The following DYM variants were observed in gnomAD, a reference collection of about 807,000 sequenced individuals.
DYM encodes the protein dyggve-Melchior-Clausen syndrome protein.
In DYM, 78 loss-of-function variants were observed where a neutral mutation model predicts 93.1. The ratio of observed to expected loss-of-function variants is 0.84; its 90% confidence interval spans 0.70 to 1.01. The LOEUF is 1.01. Ranked by LOEUF, DYM falls within the 50% of genes least tolerant of loss-of-function variation. DYM has a pLI of 0.00. For missense variants in DYM, 789 were observed against 845.0 expected (o/e 0.93, Z 0.82); for synonymous variants, 321 against 319.7 (o/e 1.00, Z -0.04).
intron 5 of DYM, among the ~76,000 whole-genome samples, chr18:49,374,525 A>C (rs1446961319): frequency 1.3e-5 from 2 of 152,238 alleles, no homozygotes; most frequent in Non-Finnish European, 2.9e-5. Context: ...ATGTGGAGTC[A>C]AAGGGACTTT....
chr18:49,168,429 C>G (rs1187223527), intron 14 of DYM, among the ~76,000 whole-genome samples: 1 of 152,106 alleles, frequency 6.6e-6, no homozygotes, highest in African/African-American at 2.4e-5. Context: ...CAAAAGAAAG[C>G]AGCATGTAAA....
intron 14 of DYM, among the ~76,000 whole-genome samples, chr18:49,169,444 G>C (rs2088364217): frequency 6.6e-6 from 1 of 152,240 alleles, no homozygotes; most frequent in South Asian, 2.1e-4. Flanking sequence ...GCACAGCAAT[G>C]AGGCTGGGTA....
intron 2 of DYM, among the ~76,000 whole-genome samples, chr18:49,402,110 T>C (rs1367927269): frequency 3.9e-5 from 6 of 152,074 alleles, no homozygotes; most frequent in Admixed American, 3.3e-4. Context: ...CTGGGCCATA[T>C]TCTGTTTGCT....
intron 8 of DYM, among the ~76,000 whole-genome samples, chr18:49,312,229 C>T (rs1599335945): frequency 6.6e-6 from 1 of 152,126 alleles, no homozygotes; most frequent in East Asian, 1.9e-4. Flanking sequence ...GGCAGGTCCC[C>T]AGTGAAACTT....
chr18:49,090,772 G>A (rs2078979227), intron 17 of DYM, among the ~76,000 whole-genome samples: 1 of 152,166 alleles, frequency 6.6e-6, no homozygotes, highest in Admixed American at 6.5e-5. Context: ...CCATAAATCA[G>A]AATATTTTAC....
chr18:49,317,552 T>TGTCTCC (rs1491235087), intron 8 of DYM, among the ~76,000 whole-genome samples: 2 of 7,748 alleles, frequency 2.6e-4, no homozygotes, highest in Admixed American at 1.4e-3. Context: ...CATCTAGATT[T>TGTCTCC]CTCTCTCTCT....
At chr18:49,377,002 ATCAGG>A (rs1165213818) in intron 5 of DYM, among the ~76,000 whole-genome samples, 1 of 152,228 alleles carries the variant, frequency 6.6e-6, no homozygotes, top group Non-Finnish European at 1.5e-5. Context: ...TTGCTCTACC[ATCAGG>A]TAATGGGGTC....
chr18:49,049,653 C>G (rs1426247215), intron 17 of DYM: 1 of 154,280 alleles, frequency 6.5e-6, no homozygotes. Flanking sequence ...ATTAAAATGA[C>G]ATGCAAGTAT....
At chr18:49,103,129 C>T (rs1442690827) in intron 16 of DYM, among the ~76,000 whole-genome samples, 1 of 152,146 alleles carries the variant, frequency 6.6e-6, no homozygotes, top group African/African-American at 2.4e-5. Context: ...GAGATGGTAT[C>T]TCATTGTGGT....
chr18:49,143,058 T>C (rs1451529278), intron 15 of DYM, among the ~76,000 whole-genome samples: 3 of 152,236 alleles, frequency 2.0e-5, no homozygotes, highest in Admixed American at 6.5e-5. Flanking sequence ...AATACAATCA[T>C]ATGATCATAC....
At chr18:49,302,490 A>C (rs1341451361) in intron 8 of DYM, among the ~76,000 whole-genome samples, 1 of 152,230 alleles carries the variant, frequency 6.6e-6, no homozygotes, top group Non-Finnish European at 1.5e-5. Flanking sequence ...ACTATGCATT[A>C]TATAATTTCT....
chr18:49,343,440 T>TA (rs1168299899), intron 6 of DYM, among the ~76,000 whole-genome samples: 2 of 152,226 alleles, frequency 1.3e-5, no homozygotes, highest in Non-Finnish European at 2.9e-5. Flanking sequence ...GACTTTATTA[T>TA]AAGGTCCACT....
chr18:49,201,247 T>C lies in DYM; in HGVS notation c.1625+8304A>G, dbSNP rs141755869. On this transcript the variant is annotated intron_variant, in intron 14 of 17. Coordinates refer to ENST00000675505, the MANE Select transcript of DYM (RefSeq NM_001353214.3). ...TACATGCACAGAAGTAATAACACAG[T>C]TCCTACTAATATTTCATACTACACC... Among the ~76,000 whole-genome samples, 32 of 152,294 alleles carry C rather than the reference T, an allele frequency of 2.1e-4. No individual in the cohort carries two copies. In the East Asian group the frequency reaches 5.8e-3, roughly 28 times the overall value.
At position 49,246,753 on chromosome 18, in the gene DYM, G is replaced by T. The variant is rs561478157; in HGVS notation, c.1460+10257C>A. Among the ~76,000 whole-genome samples, 18 of 152,292 alleles carry T rather than the reference G, an allele frequency of 1.2e-4. No homozygotes were observed. The South Asian group carries it at 3.7e-3, about 32-fold the overall frequency. ...GACATCTGAGTTGGAGGTTCATTAT[G>T]ACACATGTACAAAGCAAAGAGGAAT... On this transcript the variant is annotated intron_variant, in intron 13 of 17. Coordinates refer to ENST00000675505, the MANE Select transcript of DYM (RefSeq NM_001353214.3).
chr18:49,168,592 C>T (rs943943110), intron 14 of DYM, among the ~76,000 whole-genome samples: 1 of 152,102 alleles, frequency 6.6e-6, no homozygotes, highest in Non-Finnish European at 1.5e-5. Flanking sequence ...CTTTATGGCA[C>T]ATCAAAAGCC....
chr18:49,226,561 C>T (rs1209844583), intron 13 of DYM, among the ~76,000 whole-genome samples: 1 of 152,120 alleles, frequency 6.6e-6, no homozygotes, highest in African/African-American at 2.4e-5. Context: ...GTCTAAAACT[C>T]CACAAATGCA....
At chr18:49,131,241 C>T (rs1455218797) in intron 15 of DYM, among the ~76,000 whole-genome samples, 3 of 152,198 alleles carry the variant, frequency 2.0e-5, no homozygotes, top group Non-Finnish European at 2.9e-5. Context: ...TTCAATCTTC[C>T]TGCCTTGCAG....
chr18:49,052,256 A>G (rs889586474), intron 17 of DYM, among the ~76,000 whole-genome samples: 2 of 152,234 alleles, frequency 1.3e-5, no homozygotes, highest in Non-Finnish European at 2.9e-5. Context: ...CAACCTGGGT[A>G]GGCCCGAGCT....
intron 3 of DYM, among the ~76,000 whole-genome samples, chr18:49,380,366 A>C (rs897406997): frequency 2.0e-5 from 3 of 152,216 alleles, no homozygotes; most frequent in African/African-American, 7.2e-5. Flanking sequence ...TGAATACTGA[A>C]TCTCAGACAA....
Sources: gnomAD v4.1 joint callset for allele counts (sites outside exome capture counted in the v4.1 genomes callset) on GRCh38, gnomAD v4.1.1 for gene constraint, MANE v1.5 for transcripts, NCBI Gene and HGNC (gene_info 2026-07-23, HGNC 2026-07-21) for gene names.